The following BRI3BP variants were observed in gnomAD, a reference collection of about 807,000 sequenced individuals.
BRI3BP encodes the protein BRI3-binding protein.
In BRI3BP, 7 loss-of-function variants were observed where a neutral mutation model predicts 15.8. The ratio of observed to expected loss-of-function variants is 0.44; its 90% CI spans 0.25 to 0.83. The LOEUF is 0.83. Among genes scored for constraint, BRI3BP ranks in the 40% least tolerant of loss-of-function variants. The probability of loss-of-function intolerance (pLI) is 0.20; values close to 1 mark genes in which losing one functional copy is unlikely to be tolerated. For synonymous variants in BRI3BP, 192 were observed against 163.5 expected (o/e 1.17, Z -1.33); for missense variants, 320 against 339.3 (o/e 0.94, Z 0.45).
intron 1 of BRI3BP, among the ~76,000 whole-genome samples, chr12:125,007,720 C>CAAAAA (rs796727129): frequency 7.7e-6 from 1 of 129,148 alleles, no homozygotes; most frequent in Non-Finnish European, 1.7e-5. Flanking sequence ...ACCCTGTCTC[C>CAAAAA]AAAAAAAAAA....
chr12:125,043,320 A>G, the BRI3BP span, among the ~76,000 whole-genome samples: 1 of 152,110 alleles, frequency 6.6e-6, no homozygotes, highest in Non-Finnish European at 1.5e-5. Context: ...CTGCTGCTCA[A>G]CGTCTACCCC....
At chr12:125,049,781 T>C in the BRI3BP span, among the ~76,000 whole-genome samples, 2 of 152,094 alleles carry the variant, frequency 1.3e-5, no homozygotes, top group African/African-American at 2.4e-5. Context: ...GGCCCAACTC[T>C]CTGCCAGCCA....
Position 125,025,618 on chromosome 12 carries a change from T to A in BRI3BP, c.*188T>A. The A allele has an allele frequency of 1.7e-6, 1 of 603,096 alleles. No individual in the cohort carries two copies. Among genetic ancestry groups the A allele is most frequent in the South Asian group, 2.5e-5 (1 of 39,396 alleles). 37.4% of individuals were successfully genotyped at this position (603,096 alleles called of 1,614,324 possible). A position where few individuals can be genotyped will look rare whatever the true frequency, so the allele number is the denominator to read the frequency against. ...CATTCCCAGAAGAGCGGAAAGATCA[T>A]TGACGTGGAACTACACACGAAGTGT... On this transcript the variant is annotated 3_prime_UTR_variant, in exon 3 of 3. Coordinates refer to ENST00000341446, the MANE Select transcript of BRI3BP (RefSeq NM_080626.6).
chr12:125,036,644 GTT>G, the BRI3BP span, among the ~76,000 whole-genome samples: 1 of 152,202 alleles, frequency 6.6e-6, no homozygotes, highest in Non-Finnish European at 1.5e-5. Context: ...GAATAATGAA[GTT>G]TTGTGAGCTG....
intron 2 of BRI3BP, among the ~76,000 whole-genome samples, chr12:125,024,692 C>T (rs932058756): frequency 2.0e-5 from 3 of 151,958 alleles, no homozygotes; most frequent in Admixed American, 6.6e-5. Flanking sequence ...CCAGCTACCC[C>T]GGAGGCTGAG....
At chr12:125,022,438 G>A (rs1426928882) in intron 2 of BRI3BP, among the ~76,000 whole-genome samples, 2 of 152,284 alleles carry the variant, frequency 1.3e-5, no homozygotes, top group Admixed American at 1.3e-4. Context: ...CTGTCGCTGG[G>A]TCCTGGTGAG....
intron 1 of BRI3BP, among the ~76,000 whole-genome samples, chr12:125,001,459 A>G (rs972662202): frequency 1.2e-4 from 19 of 152,170 alleles, no homozygotes. Context: ...TCCTGGGTTC[A>G]AGCGATCCTC....
At chr12:125,032,713 G>A (rs1955415873), downstream of BRI3BP, among the ~76,000 whole-genome samples, 4 of 152,214 alleles carry the variant, frequency 2.6e-5, no homozygotes, top group South Asian at 8.3e-4. Flanking sequence ...GGTTGAGGCT[G>A]CAGTGAGCCA....
downstream of BRI3BP, among the ~76,000 whole-genome samples, chr12:125,032,491 C>T (rs575146346): frequency 1.3e-5 from 2 of 151,522 alleles, no homozygotes; most frequent in East Asian, 1.9e-4. Context: ...ATTTTGTGGC[C>T]GGGTGCAGTG....
Position 124,998,844 on chromosome 12 carries a change from A to G in BRI3BP, c.213+4841A>G, listed in dbSNP as rs1036958283. On this transcript the variant is annotated intron_variant, in intron 1 of 2. Transcript: ENST00000341446. ...GTAATCCCACCACTTTGGGAGGCCTAGGTGGGAGGATTGCTTGAGCCCAGG... is the reference window on the plus strand; with the variant it reads ...GTAATCCCACCACTTTGGGAGGCCTGGGTGGGAGGATTGCTTGAGCCCAGG... Among the ~76,000 whole-genome samples, 9 of 152,158 alleles carry G rather than the reference A, an allele frequency of 5.9e-5. 1 individual carries two copies. Among genetic ancestry groups the G allele is most frequent in the African/African-American group, 2.2e-4 (9 of 41,450 alleles).
chr12:125,014,169 A>T (rs1053055093), intron 2 of BRI3BP, among the ~76,000 whole-genome samples: 2 of 152,026 alleles, frequency 1.3e-5, no homozygotes, highest in African/African-American at 4.8e-5. Flanking sequence ...TGCCAGGTAA[A>T]CAGGGATCTC....
chr12:124,998,423 G>A (rs1220410543), intron 1 of BRI3BP, among the ~76,000 whole-genome samples: 4 of 152,168 alleles, frequency 2.6e-5, no homozygotes, highest in Non-Finnish European at 5.9e-5. Context: ...AATGAAATAT[G>A]ATTCAGCCAT....
chr12:125,048,816 G>A, the BRI3BP span, among the ~76,000 whole-genome samples: 2 of 152,122 alleles, frequency 1.3e-5, no homozygotes, highest in South Asian at 4.1e-4. Flanking sequence ...AAATATCTCC[G>A]TTCTAGGAGC....
At chr12:125,034,734 C>CAT (rs1955430767), downstream of BRI3BP, among the ~76,000 whole-genome samples, 3 of 152,088 alleles carry the variant, frequency 2.0e-5, no homozygotes, top group African/African-American at 4.8e-5. Context: ...GGACTACAGG[C>CAT]GCCTGCCACC....
At chr12:125,003,551 T>C (rs1025671689) in intron 1 of BRI3BP, among the ~76,000 whole-genome samples, 2 of 152,168 alleles carry the variant, frequency 1.3e-5, no homozygotes, top group African/African-American at 4.8e-5. Flanking sequence ...CCTTCCTAAA[T>C]TTTTTTGAGG....
chr12:125,035,157 A>G (rs2136005657), downstream of BRI3BP, among the ~76,000 whole-genome samples: 1 of 152,332 alleles, frequency 6.6e-6, no homozygotes, highest in African/African-American at 2.4e-5. Context: ...ACACTTATGT[A>G]TAGGACTTTG....
At chr12:125,020,794 C>T (rs772337022) in intron 2 of BRI3BP, among the ~76,000 whole-genome samples, 16 of 152,130 alleles carry the variant, frequency 1.1e-4, no homozygotes, top group Non-Finnish European at 2.1e-4. Flanking sequence ...GTGAGAGGAT[C>T]GCTTGAGCCC....
intron 1 of BRI3BP, among the ~76,000 whole-genome samples, chr12:125,002,461 G>T (rs150257229): frequency 0.014 from 1,791 of 123,958 alleles, 17 homozygotes; most frequent in Admixed American, 0.021. Context: ...TTTTTGTTTT[G>T]TTTTTTTTTT....
At chr12:125,012,099 G>T (rs940621793) in intron 1 of BRI3BP, among the ~76,000 whole-genome samples, 7 of 152,150 alleles carry the variant, frequency 4.6e-5, no homozygotes, top group African/African-American at 7.2e-5. Flanking sequence ...AGGCAGGATT[G>T]CTTGAGCCCG....
Sources: allele counts gnomAD v4.1 joint callset (sites outside exome capture counted in the v4.1 genomes callset), GRCh38; gene constraint gnomAD v4.1.1; transcripts MANE v1.5; gene names NCBI Gene and HGNC (gene_info 2026-07-23, HGNC 2026-07-21).